Variants in SORCS2 observed in about 807,000 individuals in gnomAD.
SORCS2 encodes the protein VPS10 domain-containing receptor SorCS2.
SORCS2 carries 100 observed loss-of-function variants against 141.6 expected under a neutral mutation model. The ratio of observed to expected loss-of-function variants is 0.71; its 90% confidence interval spans 0.60 to 0.83. SORCS2 has a LOEUF of 0.83. SORCS2 is among the 40% of genes least tolerant of loss of function. The probability of loss-of-function intolerance (pLI) is 0.00; values close to 1 mark genes in which losing one functional copy is unlikely to be tolerated. For synonymous variants in SORCS2, 789 were observed against 676.9 expected, an observed-to-expected ratio of 1.17 and a Z score of -2.57; for missense variants, 1,646 against 1,560.2, an observed-to-expected ratio of 1.05 and a Z score of -0.93.
intron 2 of SORCS2, among the ~76,000 whole-genome samples, chr4:7,479,188 T>G (rs1730479896): frequency 6.7e-6 from 1 of 150,264 alleles, no homozygotes; most frequent in Admixed American, 6.6e-5. Flanking sequence ...GGTGGACTTC[T>G]GTGGGTGCCG....
At position 7,578,896 on chromosome 4, in the gene SORCS2, C is replaced by G. The variant is rs149412363; in HGVS notation, c.648+47267C>G. On this transcript the variant is annotated intron_variant, in intron 3 of 26. Transcript: ENST00000507866. Reference sequence around the variant, plus strand: ...TTGCTGGATAGAAGCCCACCTTATCCCTAAGTTTACTACTTCTCACTACTT... The same window carrying G: ...TTGCTGGATAGAAGCCCACCTTATCGCTAAGTTTACTACTTCTCACTACTT... Among the ~76,000 whole-genome samples, 1,085 of 152,310 alleles carry G rather than the reference C, an allele frequency of 7.1e-3. 5 individuals are homozygous for G. Among genetic ancestry groups the G allele is most frequent in the Admixed American group, 0.014 (221 of 15,308 alleles).
chr4:7,724,969 T>TG (rs1727097767), intron 19 of SORCS2, among the ~76,000 whole-genome samples, 185 bp from the exon 20 acceptor site: 1 of 120,710 alleles, frequency 8.3e-6, no homozygotes, highest in African/African-American at 3.2e-5. Flanking sequence ...ATGGTGGTGA[T>TG]AGTGTTGGTG....
intron 1 of SORCS2, among the ~76,000 whole-genome samples, chr4:7,195,179 TGTGTGTGTG>T (rs1727098604): frequency 1.5e-5 from 1 of 66,764 alleles, no homozygotes; most frequent in Non-Finnish European, 2.7e-5. Context: ...CAGGTGTGTG[TGTGTGTGTG>T]TGTGTGTGTT....
rs1168678841 is a variant in SORCS2 at position 7,601,616 on chromosome 4, CAAA to C, written c.649-36690_649-36688del. Among the ~76,000 whole-genome samples the C allele has an allele frequency of 6.4e-4, 29 of 45,638 alleles. No homozygotes were observed. In the South Asian group the frequency reaches 0.01, roughly 16 times the overall value. The allele number at this position is 45,638 out of a possible 152,430, so 29.9% of individuals were successfully genotyped here. A position where few individuals can be genotyped will look rare whatever the true frequency, so the allele number is the denominator to read the frequency against. ...CCTGGGCGACAAAGCAAGACTCTCT[CAAA>C]AAAAAAAAAAAAAAAAAAAAAGTTT... is the stretch of plus-strand genomic sequence containing the variant. On this transcript the variant is annotated intron_variant, in intron 3 of 26. Transcript: ENST00000507866.
rs150230660 is a variant in SORCS2 at position 7,235,145 on chromosome 4, C to T, written c.480+42019C>T. Among the ~76,000 whole-genome samples, 162 of 152,320 alleles carry T rather than the reference C, an allele frequency of 1.1e-3. 1 individual carries two copies. The highest frequency in any genetic ancestry group is 3.5e-3 in the African/African-American group (144 of 41,568). On this transcript the variant is annotated intron_variant, in intron 1 of 26. Coordinates refer to ENST00000507866, the MANE Select transcript of SORCS2 (RefSeq NM_020777.3). ...CCTCCTGGAGCCTCGGTGTCCTTGC[C>T]GGTGAATGGTACTAACAGCAGATAG...
intron 1 of SORCS2, among the ~76,000 whole-genome samples, chr4:7,376,476 C>T (rs1722663569): frequency 6.6e-6 from 1 of 152,206 alleles, no homozygotes; most frequent in South Asian, 2.1e-4. Context: ...ACTCCGGAGG[C>T]TGAGGCAGGA....
At position 7,512,957 on chromosome 4, in the gene SORCS2, G is replaced by T. The variant is rs541778483; in HGVS notation, c.549-18573G>T. On this transcript the variant is annotated intron_variant, in intron 2 of 26. Coordinates refer to ENST00000507866, the MANE Select transcript of SORCS2 (RefSeq NM_020777.3). ...GGCACATTTTCACACCTCCCTCCAG[G>T]CCGCAGGGGAAAGGAGAGGCTGTAG... Among the ~76,000 whole-genome samples, 64 of 152,314 alleles carry T rather than the reference G, an allele frequency of 4.2e-4. 3 individuals carry two copies. The South Asian group carries it at 9.3e-3, about 22-fold the overall frequency.
intron 2 of SORCS2, among the ~76,000 whole-genome samples, chr4:7,399,325 G>A (rs927331330): frequency 4.6e-5 from 7 of 151,940 alleles, no homozygotes; most frequent in South Asian, 4.2e-4. Flanking sequence ...ATATTAAATA[G>A]GGCTATTAAA....
intron 1 of SORCS2, among the ~76,000 whole-genome samples, chr4:7,317,009 T>C (rs1443822849): frequency 6.6e-6 from 1 of 152,134 alleles, no homozygotes; most frequent in African/African-American, 2.4e-5. Context: ...GGTCAGAAGG[T>C]TGCATGGAGA....
chr4:7,719,768 C>T (rs549123676), intron 18 of SORCS2, among the ~76,000 whole-genome samples: 1 of 152,182 alleles, frequency 6.6e-6, no homozygotes, highest in Non-Finnish European at 1.5e-5. Context: ...TAGAGCCTGG[C>T]GTCTCGGCAG....
At chr4:7,669,052 C>A (rs549682302) in intron 8 of SORCS2, among the ~76,000 whole-genome samples, 66 of 152,356 alleles carry the variant, frequency 4.3e-4, no homozygotes, top group African/African-American at 1.5e-3. Context: ...CCTGGACCTG[C>A]AGATGCAATG....
chr4:7,695,123 A>T (rs1250429824), intron 11 of SORCS2, among the ~76,000 whole-genome samples: 1 of 151,504 alleles, frequency 6.6e-6, no homozygotes, highest in Non-Finnish European at 1.5e-5. Context: ...GCCATTGAAT[A>T]CATGCAGGAG....
chr4:7,471,380 G>A (rs1345516335), intron 2 of SORCS2, among the ~76,000 whole-genome samples: 2 of 152,336 alleles, frequency 1.3e-5, no homozygotes, highest in South Asian at 2.1e-4. Context: ...ATCCTCAGAC[G>A]CGGCCAGGTC....
chr4:7,235,943 T>A (rs927357604), intron 1 of SORCS2, among the ~76,000 whole-genome samples: 1 of 152,084 alleles, frequency 6.6e-6, no homozygotes, highest in African/African-American at 2.4e-5. Flanking sequence ...TGCCAAGCCT[T>A]GAAAGAGTCT....
intron 2 of SORCS2, among the ~76,000 whole-genome samples, chr4:7,446,005 T>C (rs369666823): frequency 4.6e-5 from 2 of 43,656 alleles, no homozygotes; most frequent in Non-Finnish European, 7.3e-5. Context: ...CTTTGTCTTT[T>C]CTTTTTTTTC....
At chr4:7,624,281 C>G (rs941943196) in intron 3 of SORCS2, among the ~76,000 whole-genome samples, 3 of 152,162 alleles carry the variant, frequency 2.0e-5, no homozygotes, top group African/African-American at 7.2e-5. Context: ...ACGGGCCTTT[C>G]TTATTGGAGT....
intron 1 of SORCS2, among the ~76,000 whole-genome samples, chr4:7,353,176 C>T (rs185461744): frequency 7.2e-5 from 11 of 152,242 alleles, no homozygotes; most frequent in African/African-American, 1.7e-4. Context: ...GAGTGAACTG[C>T]CAGCGAGGGC....
At chr4:7,599,838 T>A (rs1213908042) in intron 3 of SORCS2, among the ~76,000 whole-genome samples, 2 of 150,958 alleles carry the variant, frequency 1.3e-5, no homozygotes, top group Non-Finnish European at 3.0e-5. Flanking sequence ...TTTTTTTTTT[T>A]ATTGAGACAG....
intron 4 of SORCS2, among the ~76,000 whole-genome samples, chr4:7,649,008 G>A (rs1047042544): frequency 4.6e-5 from 7 of 152,020 alleles, no homozygotes; most frequent in Non-Finnish European, 7.4e-5. Context: ...AGGGTGTGGC[G>A]GACGAAGGCA....
Sources: gnomAD v4.1 joint callset for allele counts (sites outside exome capture counted in the v4.1 genomes callset) on GRCh38, gnomAD v4.1.1 for gene constraint, MANE v1.5 for transcripts, NCBI Gene and HGNC (gene_info 2026-07-23, HGNC 2026-07-21) for gene names.